DOCK10: variants seen among roughly 807,000 people sequenced by gnomAD.
DOCK10 encodes dedicator of cytokinesis protein 10.
In DOCK10, 145 loss-of-function variants were observed where a neutral mutation model predicts 280.1. The ratio of observed to expected loss-of-function variants is 0.52; its 90% CI spans 0.45 to 0.59. The LOEUF is 0.59. Ranked by LOEUF, DOCK10 falls within the 20% of genes least tolerant of loss-of-function variation. The probability of loss-of-function intolerance (pLI) is 0.00; values close to 1 mark genes in which losing one functional copy is unlikely to be tolerated. For missense variants in DOCK10, 2,368 were observed against 2,651.7 expected (o/e 0.89, Z 2.35); for synonymous variants, 915 against 942.2 (o/e 0.97, Z 0.53).
At chr2:224,982,270 G>C in intron 1 of DOCK10, 1 of 1,231,958 alleles carries the variant, frequency 8.1e-7, no homozygotes, top group Non-Finnish European at 1.0e-6. Context: ...AAATTTCGTG[G>C]GATGGTTCCT....
chr2:225,031,262 C>T (rs1690066576), intron 1 of DOCK10, among the ~76,000 whole-genome samples: 1 of 152,198 alleles, frequency 6.6e-6, no homozygotes, highest in Non-Finnish European at 1.5e-5. Context: ...ACATCAGCCT[C>T]CCATTTCCAT....
intron 14 of DOCK10, among the ~76,000 whole-genome samples, chr2:224,860,122 C>T (rs1478445684): frequency 6.6e-6 from 1 of 152,206 alleles, no homozygotes; most frequent in Non-Finnish European, 1.5e-5. Flanking sequence ...GTTTCATTAG[C>T]TTTCCTATCC....
chr2:224,931,960 T>C (rs536284439), intron 1 of DOCK10, among the ~76,000 whole-genome samples: 20 of 152,286 alleles, frequency 1.3e-4, no homozygotes, highest in African/African-American at 4.8e-4. Context: ...ACAGAATAGA[T>C]GTTTATGTAA....
intron 1 of DOCK10, among the ~76,000 whole-genome samples, chr2:224,979,903 G>C (rs2126246706): frequency 6.6e-6 from 1 of 151,800 alleles, no homozygotes; most frequent in South Asian, 2.1e-4. Flanking sequence ...TCACACAGCT[G>C]ATAAGTGATG....
At chr2:224,918,341 G>T (rs1185515574) in intron 2 of DOCK10, among the ~76,000 whole-genome samples, 1 of 142,866 alleles carries the variant, frequency 7.0e-6, no homozygotes, top group Non-Finnish European at 1.6e-5. Context: ...TGGGGTGTGT[G>T]TGTGTGAGCA....
In DOCK10 at chr2:224,862,765, C is replaced by A. The variant is rs1445068295; in HGVS notation, c.1603-19G>T. On this transcript the variant is annotated intron_variant, in intron 13 of 55. Transcript: ENST00000258390. ...GTGCATACTAAAGAAAAAATAAATA[C>A]AAATATTGTTTAGAATAGCACTTTA... 1.6e-5 allele frequency: 24 copies of A among 1,497,922 alleles called. No individual in the cohort carries two copies. Among genetic ancestry groups the A allele is most frequent in the Non-Finnish European group, 2.0e-5 (22 of 1,088,624 alleles). 92.8% of individuals were successfully genotyped at this position (1,497,922 alleles called of 1,614,324 possible).
At chr2:225,039,592 G>A (rs570142605) in intron 1 of DOCK10, among the ~76,000 whole-genome samples, 25 of 152,168 alleles carry the variant, frequency 1.6e-4, no homozygotes, top group Non-Finnish European at 3.7e-4. Flanking sequence ...CTCAACAACT[G>A]CCTTAAAATT....
intron 1 of DOCK10, among the ~76,000 whole-genome samples, chr2:224,949,822 G>A (rs891426945): frequency 2.6e-5 from 4 of 152,176 alleles, no homozygotes; most frequent in African/African-American, 9.6e-5. Flanking sequence ...TAAATAAAAT[G>A]ACATCTTAAA....
intron 1 of DOCK10, among the ~76,000 whole-genome samples, chr2:224,988,425 A>G (rs1009229508): frequency 2.0e-5 from 3 of 152,320 alleles, no homozygotes; most frequent in African/African-American, 7.2e-5. Flanking sequence ...AGCACTCGCC[A>G]TGTGCCAGGC....
rs142348997 is a variant in DOCK10 at position 224,832,338 on chromosome 2, C to T, written c.2965-1726G>A. On this transcript the variant is annotated intron_variant, in intron 26 of 55. Transcript: ENST00000258390. ...TCTGTGGTTCGTTTATGTTGAAGCA[C>T]GTAGCTGGGGGGATCACATATGGTC... 2.6e-5 allele frequency among the ~76,000 whole-genome samples: 4 copies of T among 152,260 alleles called. No homozygotes were observed. In the South Asian group the frequency reaches 6.2e-4, roughly 24 times the overall value.
At chr2:224,812,315 G>A (rs943392859) in intron 31 of DOCK10, among the ~76,000 whole-genome samples, 1 of 152,128 alleles carries the variant, frequency 6.6e-6, no homozygotes, top group Non-Finnish European at 1.5e-5. Context: ...AAGAATGCTT[G>A]TGATTTTTGT....
At position 224,962,575 on chromosome 2, in the gene DOCK10, G is replaced by A. The variant is rs891286155; in HGVS notation, c.124-30907C>T. On this transcript the variant is annotated intron_variant, in intron 1 of 55. Transcript: ENST00000258390. ...TGCATTATGTTGCTGAAAATTAAGT[G>A]TCAGATATTTATTACCACATTCCGC... 6.6e-5 allele frequency among the ~76,000 whole-genome samples: 10 copies of A among 152,174 alleles called. No homozygotes were observed. In the East Asian group the frequency reaches 1.9e-3, roughly 29 times the overall value.
intron 3 of DOCK10, among the ~76,000 whole-genome samples, chr2:224,914,360 C>G (rs1701198126): frequency 6.6e-6 from 1 of 152,018 alleles, no homozygotes; most frequent in Admixed American, 6.6e-5. Context: ...AAAACAAGAG[C>G]CAAATTTCAC....
chr2:224,879,119 C>A (rs1574983069), intron 7 of DOCK10, among the ~76,000 whole-genome samples: 4 of 152,190 alleles, frequency 2.6e-5, no homozygotes, highest in African/African-American at 9.6e-5. Context: ...GTCAGAGTTG[C>A]ATTTTGAAAA....
intron 11 of DOCK10, among the ~76,000 whole-genome samples, chr2:224,868,415 TA>T (rs1312546529): frequency 6.6e-6 from 1 of 152,214 alleles, no homozygotes; most frequent in African/African-American, 2.4e-5. Flanking sequence ...AATACGCCTA[TA>T]AAAACTAGCA....
rs778837302 is a variant in DOCK10, at chr2:224,823,503, T to C, written c.3181A>G (p.Lys1061Glu). ...RANHSVARFLKRCFTFMDRGY... is the reference protein window; with the variant it reads ...RANHSVARFLERCFTFMDRGY... ...ACTGCGATCTCATATAACTGTACCT[T>C]GAGAAATCTGGCAACGCTGTGGTTT... is the stretch of plus-strand genomic sequence containing the variant. The change falls in exon 28 of 56, where the codon AAG (lysine) becomes GAG (glutamate). Residue 1061 changes from lysine to glutamate, a missense_variant and splice_region_variant. Physicochemically the swap from Lys to Glu is moderately conservative, Grantham distance 56. Transcript: ENST00000258390. The C allele has an allele frequency of 3.1e-6, 5 of 1,594,270 alleles. No individual in the cohort carries two copies. In the Admixed American group the frequency reaches 7.3e-5, roughly 23 times the overall value.
At chr2:224,962,294 C>T (rs1360514549) in intron 1 of DOCK10, among the ~76,000 whole-genome samples, 2 of 152,148 alleles carry the variant, frequency 1.3e-5, no homozygotes, top group African/African-American at 4.8e-5. Flanking sequence ...GCATTGGGTT[C>T]ACGGGGTTTC....
At chr2:224,778,442 A>G (rs1328173488) in intron 50 of DOCK10, 158 bp from the exon 51 acceptor site, 1 of 722,732 alleles carries the variant, frequency 1.4e-6, no homozygotes, top group Non-Finnish European at 2.4e-6. Context: ...AGAAGAAAAC[A>G]CAGTGAGAAA....
intron 1 of DOCK10, among the ~76,000 whole-genome samples, chr2:224,973,646 G>T (rs987891731): frequency 6.6e-6 from 1 of 152,008 alleles, no homozygotes; most frequent in Admixed American, 6.5e-5. Context: ...TGTAATACAC[G>T]TGTTTTAACT....
Sources: gnomAD v4.1 joint callset for allele counts (sites outside exome capture counted in the v4.1 genomes callset) on GRCh38, gnomAD v4.1.1 for gene constraint, MANE v1.5 for transcripts, NCBI Gene and HGNC (gene_info 2026-07-23, HGNC 2026-07-21) for gene names.